Variants in WDPCP observed in about 807,000 individuals in gnomAD.
WDPCP encodes WD repeat-containing and planar cell polarity effector protein fritz homolog.
A neutral mutation model predicts 93.1 loss-of-function variants in WDPCP; 71 were observed. The ratio of observed to expected loss-of-function variants is 0.76; its 90% CI spans 0.63 to 0.93. WDPCP has a LOEUF of 0.93. Ranked by LOEUF, WDPCP falls within the 40% of genes least tolerant of loss-of-function variation. WDPCP has a pLI of 0.00. For missense variants in WDPCP, 844 were observed against 887.4 expected, an observed-to-expected ratio of 0.95 and a Z score of 0.62; for synonymous variants, 315 against 315.0, an observed-to-expected ratio of 1.00 and a Z score of 0.00.
chr2:63,530,960 G>A (rs181379859), intron 1 of WDPCP, among the ~76,000 whole-genome samples: 109 of 152,326 alleles, frequency 7.2e-4, no homozygotes, highest in African/African-American at 2.5e-3. Context: ...GTAACAGACA[G>A]TACATGGGAA....
intron 13 of WDPCP, among the ~76,000 whole-genome samples, chr2:63,304,909 G>A (rs1263997845): frequency 1.3e-5 from 2 of 152,122 alleles, no homozygotes; most frequent in Non-Finnish European, 2.9e-5. Flanking sequence ...GCCTGGTGGG[G>A]AGAGCGGCAT....
At chr2:63,768,815 C>T (rs1670183377) in intron 2 of WDPCP, among the ~76,000 whole-genome samples, 1 of 151,918 alleles carries the variant, frequency 6.6e-6, no homozygotes, top group African/African-American at 2.4e-5. Flanking sequence ...TCTTGCAAAC[C>T]CAACAGACAG....
Position 63,259,231 on chromosome 2 carries a change from T to G in WDPCP, c.1915+76A>C. On this transcript the variant is annotated intron_variant, in intron 14 of 17. Coordinates refer to ENST00000272321, the MANE Select transcript of WDPCP (RefSeq NM_015910.7). ...AAGTAATTCAAATTAACCATCCATG[T>G]CCTCCAAACATAAATAGAAATGATA... The G allele has an allele frequency of 8.0e-6, 10 of 1,247,188 alleles. No homozygotes were observed. The South Asian group carries it at 1.1e-4, about 14-fold the overall frequency. 77.3% of individuals were successfully genotyped at this position (1,247,188 alleles called of 1,614,324 possible). A position where few individuals can be genotyped will look rare whatever the true frequency, so the allele number is the denominator to read the frequency against.
intron 10 of WDPCP, among the ~76,000 whole-genome samples, chr2:63,392,171 C>T (rs1282784680): frequency 6.6e-6 from 1 of 152,166 alleles, no homozygotes; most frequent in Non-Finnish European, 1.5e-5. Context: ...CAGCATGGTA[C>T]TGGTACCAAA....
intron 1 of WDPCP, among the ~76,000 whole-genome samples, chr2:63,523,205 C>A (rs1703070346): frequency 6.6e-6 from 1 of 152,106 alleles, no homozygotes; most frequent in Admixed American, 6.6e-5. Flanking sequence ...ACAATGAAAA[C>A]CACATGATCA....
intron 2 of WDPCP, among the ~76,000 whole-genome samples, chr2:63,742,007 A>AT (rs1258377260): frequency 6.6e-6 from 1 of 152,018 alleles, no homozygotes; most frequent in East Asian, 1.9e-4. Context: ...CTCCAGATAA[A>AT]TTTTTTCTCA....
chr2:63,144,107 C>G (rs1671289648), intron 17 of WDPCP, among the ~76,000 whole-genome samples: 1 of 152,004 alleles, frequency 6.6e-6, no homozygotes, highest in African/African-American at 2.4e-5. Flanking sequence ...TAACGTAATC[C>G]CAGACTTCTT....
At chr2:63,467,656 G>T (rs1398678472) in intron 6 of WDPCP, among the ~76,000 whole-genome samples, 1 of 151,330 alleles carries the variant, frequency 6.6e-6, no homozygotes, top group Non-Finnish European at 1.5e-5. Flanking sequence ...CACGCCTGTA[G>T]TCCCAGCTAC....
chr2:63,500,454 G>GGTGT (rs35916043), intron 1 of WDPCP, among the ~76,000 whole-genome samples: 173 of 149,578 alleles, frequency 1.2e-3, no homozygotes, highest in Middle Eastern at 0.01. Context: ...ATGGTGTGGG[G>GGTGT]GTGTGTGTGT....
chr2:63,751,947 A>T, intron 2 of WDPCP: 1 of 657,136 alleles, frequency 1.5e-6, no homozygotes, highest in Admixed American at 1.8e-5. Context: ...CACCATGACC[A>T]CAGCTGCCAT....
At chr2:63,565,431 C>T (rs1706966802) in intron 1 of WDPCP, among the ~76,000 whole-genome samples, 1 of 151,764 alleles carries the variant, frequency 6.6e-6, no homozygotes, top group East Asian at 1.9e-4. Flanking sequence ...TTTTAAATAA[C>T]CTTAGAAAAT....
At chr2:63,548,184 A>C (rs1705299870) in intron 1 of WDPCP, among the ~76,000 whole-genome samples, 1 of 152,122 alleles carries the variant, frequency 6.6e-6, no homozygotes, top group South Asian at 2.1e-4. Flanking sequence ...TAAGAGACAC[A>C]TCTAAAATAT....
chr2:63,309,074 A>T (rs1427280374), intron 13 of WDPCP, among the ~76,000 whole-genome samples: 1 of 152,178 alleles, frequency 6.6e-6, no homozygotes, highest in Admixed American at 6.5e-5. Flanking sequence ...ACACATGGAC[A>T]TAAAGATGGA....
intron 13 of WDPCP, among the ~76,000 whole-genome samples, chr2:63,292,132 C>CAA (rs58370764): frequency 1.7e-4 from 14 of 83,350 alleles, no homozygotes; most frequent in Non-Finnish European, 2.3e-4. Context: ...GACTCCGGCT[C>CAA]AAAAAAAAAA....
At chr2:63,171,808 T>A (rs1318897761) in intron 15 of WDPCP, among the ~76,000 whole-genome samples, 1 of 151,984 alleles carries the variant, frequency 6.6e-6, no homozygotes, top group Non-Finnish European at 1.5e-5. Flanking sequence ...AGCTGGTGAG[T>A]GGATAAGCAA....
At chr2:63,215,848 T>C (rs2104446558) in intron 14 of WDPCP, among the ~76,000 whole-genome samples, 1 of 152,108 alleles carries the variant, frequency 6.6e-6, no homozygotes, top group African/African-American at 2.4e-5. Context: ...TACAAAGAAC[T>C]CAAATAAATT....
At chr2:63,141,532 T>C (rs1671062424) in intron 17 of WDPCP, among the ~76,000 whole-genome samples, 1 of 152,240 alleles carries the variant, frequency 6.6e-6, no homozygotes, top group African/African-American at 2.4e-5. Flanking sequence ...TAGTAGTTGT[T>C]AAGAAGTTTA....
intron 2 of WDPCP, among the ~76,000 whole-genome samples, chr2:63,773,662 A>C (rs2103953054): frequency 6.6e-6 from 1 of 152,256 alleles, no homozygotes; most frequent in African/African-American, 2.4e-5. Flanking sequence ...TTACTTGTAC[A>C]TGCAAATGAA....
At chr2:63,439,058 G>A (rs766907154) in intron 7 of WDPCP, among the ~76,000 whole-genome samples, 2 of 151,992 alleles carry the variant, frequency 1.3e-5, no homozygotes, top group Admixed American at 6.6e-5. Context: ...GCTCAGCTTC[G>A]TTTCCTTATG....
Sources: gnomAD v4.1 joint callset for allele counts (sites outside exome capture counted in the v4.1 genomes callset) on GRCh38, gnomAD v4.1.1 for gene constraint, MANE v1.5 for transcripts, NCBI Gene and HGNC (gene_info 2026-07-23, HGNC 2026-07-21) for gene names.